CACNA2D1: variants seen among roughly 807,000 people sequenced by gnomAD.
The protein encoded by CACNA2D1 is voltage-dependent calcium channel subunit alpha-2/delta-1.
Under a neutral mutation model 171.5 loss-of-function variants are expected in CACNA2D1, and 53 were observed. The ratio of observed to expected loss-of-function variants is 0.31; its 90% confidence interval spans 0.25 to 0.39. The LOEUF (loss-of-function observed/expected upper bound fraction) is 0.39, where lower values mean the gene tolerates loss of function less well. Among genes scored for constraint, CACNA2D1 ranks in the 10% least tolerant of loss-of-function variants. The pLI is 1.00. For missense variants in CACNA2D1, 903 were observed against 1,299.8 expected, an observed-to-expected ratio of 0.69 and a Z score of 4.69; for synonymous variants, 442 against 443.1, an observed-to-expected ratio of 1.00 and a Z score of 0.03.
At chr7:82,252,718 T>C (rs969907539) in intron 3 of CACNA2D1, among the ~76,000 whole-genome samples, 32 of 151,940 alleles carry the variant, frequency 2.1e-4, no homozygotes, top group Non-Finnish European at 3.7e-4. Flanking sequence ...GGTGAAACCC[T>C]GTCTCTACTA....
chr7:82,092,091 T>C (rs1344339762), intron 6 of CACNA2D1, among the ~76,000 whole-genome samples: 4 of 152,338 alleles, frequency 2.6e-5, no homozygotes, highest in African/African-American at 9.6e-5. Flanking sequence ...GCATACTGTT[T>C]TAGTCCAGTC....
intron 3 of CACNA2D1, among the ~76,000 whole-genome samples, chr7:82,331,729 A>G (rs1716828183): frequency 6.6e-6 from 1 of 152,174 alleles, no homozygotes; most frequent in Non-Finnish European, 1.5e-5. Context: ...ATAGAATTCT[A>G]TTTTAATCCA....
chr7:82,103,397 G>C (rs938348119), intron 6 of CACNA2D1, among the ~76,000 whole-genome samples: 1 of 152,154 alleles, frequency 6.6e-6, no homozygotes, highest in African/African-American at 2.4e-5. Flanking sequence ...TTAATTAAGA[G>C]AGGAGAAAAG....
chr7:82,131,793 A>C (rs752208939), intron 5 of CACNA2D1, among the ~76,000 whole-genome samples: 2 of 152,226 alleles, frequency 1.3e-5, no homozygotes, highest in Non-Finnish European at 2.9e-5. Flanking sequence ...AGCAAAGAAC[A>C]GTGATAGTAG....
At chr7:82,378,736 C>T (rs1823312120) in intron 1 of CACNA2D1, among the ~76,000 whole-genome samples, 1 of 152,116 alleles carries the variant, frequency 6.6e-6, no homozygotes, top group Non-Finnish European at 1.5e-5. Context: ...TTAAAAATAA[C>T]CTAACTTGCC....
At chr7:82,025,402 T>C (rs1041873573) in intron 12 of CACNA2D1, among the ~76,000 whole-genome samples, 13 of 151,646 alleles carry the variant, frequency 8.6e-5, no homozygotes, top group African/African-American at 2.9e-4. Flanking sequence ...GTAGTATTCT[T>C]TTTGGGTCTA....
At chr7:81,951,240 G>T (rs540399887) in intron 38 of CACNA2D1, among the ~76,000 whole-genome samples, 1 of 152,100 alleles carries the variant, frequency 6.6e-6, no homozygotes, top group East Asian at 1.9e-4. Context: ...CCCTCTTAAT[G>T]CAAAAGTATT....
intron 1 of CACNA2D1, among the ~76,000 whole-genome samples, chr7:82,429,207 G>C (rs550032474): frequency 6.6e-6 from 1 of 151,976 alleles, no homozygotes; most frequent in Non-Finnish European, 1.5e-5. Context: ...ATCTGAATCT[G>C]CATGTATATT....
intron 3 of CACNA2D1, among the ~76,000 whole-genome samples, chr7:82,200,203 C>T (rs1031935228): frequency 3.9e-5 from 6 of 152,090 alleles, no homozygotes; most frequent in African/African-American, 1.2e-4. Context: ...ATACTCTTAG[C>T]GACTCAAGTA....
At chr7:82,307,222 A>G (rs1347419730) in intron 3 of CACNA2D1, among the ~76,000 whole-genome samples, 1 of 152,108 alleles carries the variant, frequency 6.6e-6, no homozygotes, top group Non-Finnish European at 1.5e-5. Flanking sequence ...TAATGGCACC[A>G]TCTCACTCAC....
In CACNA2D1 at chr7:82,038,117, T is replaced by A. The variant is rs1188739105; in HGVS notation, c.998A>T (p.Tyr333Phe). 4 of 1,613,694 alleles carry A rather than the reference T, an allele frequency of 2.5e-6. No individual in the cohort carries two copies. The Admixed American group carries it at 5.0e-5, about 20-fold the overall frequency. Reference sequence around the variant, plus strand: ...AAAAGCAAAACTAAAGCCCTTCTTATAATCTGTAATTCCTTTGGCTGTGAT... The same window carrying A: ...AAAAGCAAAACTAAAGCCCTTCTTAAAATCTGTAATTCCTTTGGCTGTGAT... The part of the protein sequence containing the change: ...NNITAKGITD[Y>F]KKGFSFAFEQ... Residue 333 changes from tyrosine (Y) to phenylalanine (F), a missense_variant, in exon 11 of 39, where the codon TAT becomes TTT. This residue lies in a region of CACNA2D1 where 623 missense variants were observed against 925.5 expected (regional missense o/e 0.67). Coordinates refer to ENST00000356860, the MANE Select transcript of CACNA2D1 (RefSeq NM_000722.4).
At chr7:82,049,418 T>C (rs1394033176) in intron 10 of CACNA2D1, among the ~76,000 whole-genome samples, 2 of 152,126 alleles carry the variant, frequency 1.3e-5, no homozygotes, top group Non-Finnish European at 2.9e-5. Flanking sequence ...CAAACATCCA[T>C]AGTATTAAGA....
chr7:82,066,785 G>A (rs909173072), intron 7 of CACNA2D1, among the ~76,000 whole-genome samples: 4 of 151,960 alleles, frequency 2.6e-5, no homozygotes, highest in Non-Finnish European at 4.4e-5. Context: ...CAGTTTTTCC[G>A]GGTGCTAACT....
intron 1 of CACNA2D1, among the ~76,000 whole-genome samples, chr7:82,387,088 C>A (rs1677370170): frequency 6.6e-6 from 1 of 151,836 alleles, no homozygotes; most frequent in Admixed American, 6.6e-5. Flanking sequence ...TAAGACAGTT[C>A]TTTGAGAACA....
intron 3 of CACNA2D1, among the ~76,000 whole-genome samples, chr7:82,306,359 A>G (rs2129429783): frequency 6.6e-6 from 1 of 152,352 alleles, no homozygotes; most frequent in South Asian, 2.1e-4. Flanking sequence ...TGTCTTAAGA[A>G]GAAGTTCCAT....
intron 21 of CACNA2D1, among the ~76,000 whole-genome samples, chr7:81,989,074 A>G (rs1348197937): frequency 6.6e-6 from 1 of 152,218 alleles, no homozygotes; most frequent in Non-Finnish European, 1.5e-5. Context: ...GGGAATGAGC[A>G]TGTGACTGTT....
At position 82,117,949 on chromosome 7, in the gene CACNA2D1, G is replaced by A. The variant is rs537233161; in HGVS notation, c.397-776C>T. On this transcript the variant is annotated intron_variant, in intron 5 of 38. Transcript: ENST00000356860. ...GATTCTTTGACAAATAATGGTACAC[G>A]TGACAGAAATAATATGGCAATGAAG... is the stretch of plus-strand genomic sequence containing the variant. 5.3e-5 allele frequency among the ~76,000 whole-genome samples: 8 copies of A among 152,136 alleles called. 2 individuals are homozygous for A. Among genetic ancestry groups the A allele is most frequent in the South Asian group, 2.1e-4 (1 of 4,820 alleles).
At chr7:82,313,949 G>A (rs971474620) in intron 3 of CACNA2D1, among the ~76,000 whole-genome samples, 1 of 151,930 alleles carries the variant, frequency 6.6e-6, no homozygotes, top group Non-Finnish European at 1.5e-5. Context: ...TGCATATCAT[G>A]TCAATGATTT....
chr7:82,419,625 G>A (rs558437937), intron 1 of CACNA2D1, among the ~76,000 whole-genome samples: 1 of 152,236 alleles, frequency 6.6e-6, no homozygotes, highest in African/African-American at 2.4e-5. Flanking sequence ...GCTTAATTTA[G>A]AAAATAATTT....
Sources: gnomAD v4.1 joint callset for allele counts (sites outside exome capture counted in the v4.1 genomes callset) on GRCh38, gnomAD v4.1.1 for gene constraint, gnomAD v4.1.1 regional missense constraint, MANE v1.5 for transcripts, NCBI Gene and HGNC (gene_info 2026-07-23, HGNC 2026-07-21) for gene names.